PELI2: variants seen among roughly 807,000 people sequenced by gnomAD.
PELI2 encodes pellino E3 ubiquitin protein ligase family member 2, also known as E3 ubiquitin-protein ligase pellino homolog 2.
A neutral mutation model predicts 42.3 loss-of-function variants in PELI2; 23 were observed. That is an observed-to-expected ratio of 0.54 (90% CI 0.39 to 0.77). PELI2 has a LOEUF of 0.77. PELI2 is among the 30% of genes least tolerant of loss of function. The pLI is 0.00. For synonymous variants in PELI2, 245 were observed against 212.2 expected (o/e 1.15, Z -1.34); for missense variants, 463 against 553.2 (o/e 0.84, Z 1.64).
intron 1 of PELI2, among the ~76,000 whole-genome samples, chr14:56,172,656 T>A (rs930161852): frequency 6.6e-6 from 1 of 152,192 alleles, no homozygotes; most frequent in African/African-American, 2.4e-5. Context: ...CAGCAAGTAT[T>A]GGAAGCAGAA....
At chr14:56,268,584 C>T (rs1203015314) in intron 2 of PELI2, among the ~76,000 whole-genome samples, 1 of 152,162 alleles carries the variant, frequency 6.6e-6, no homozygotes, top group Non-Finnish European at 1.5e-5. Context: ...ATTTCTTCCC[C>T]TGCGGCATTT....
chr14:56,271,753 A>G lies in PELI2; in HGVS notation c.208-7923A>G, dbSNP rs141097795. 6.5e-3 allele frequency among the ~76,000 whole-genome samples: 996 copies of G among 152,296 alleles called. 10 individuals are homozygous for G. The highest frequency in any genetic ancestry group is 0.022 in the African/African-American group (908 of 41,558). ...GACAAAGAGGTCACTAGCTGTCCCA[A>G]TAGAGCGTTCAGGACGTTTCCTAGC... On this transcript the variant is annotated intron_variant, in intron 2 of 5. Coordinates refer to ENST00000267460, the MANE Select transcript of PELI2 (RefSeq NM_021255.3).
chr14:56,133,136 A>G (rs1426083013), intron 1 of PELI2, among the ~76,000 whole-genome samples: 1 of 152,138 alleles, frequency 6.6e-6, no homozygotes, highest in African/African-American at 2.4e-5. Flanking sequence ...GTTATTGTCC[A>G]TATACATATT....
chr14:56,222,763 G>A (rs772228279), intron 2 of PELI2, among the ~76,000 whole-genome samples: 3 of 152,170 alleles, frequency 2.0e-5, no homozygotes, highest in Admixed American at 6.5e-5. Context: ...ATTCTCTGAC[G>A]CTAGGCTGTG....
chr14:56,155,149 T>C (rs1884504793), intron 1 of PELI2, among the ~76,000 whole-genome samples: 1 of 152,186 alleles, frequency 6.6e-6, no homozygotes, highest in Non-Finnish European at 1.5e-5. Context: ...ATTGCCAGTA[T>C]TTTTTCTAGT....
chr14:56,271,362 TTTTCCC>T (rs1165257348), intron 2 of PELI2, among the ~76,000 whole-genome samples: 227 of 152,282 alleles, frequency 1.5e-3, no homozygotes, highest in African/African-American at 5.3e-3. Context: ...TATTATTATG[TTTTCCC>T]ATACCGATTA....
intron 5 of PELI2, among the ~76,000 whole-genome samples, chr14:56,290,659 T>C (rs1889800029): frequency 6.6e-6 from 1 of 152,204 alleles, no homozygotes; most frequent in East Asian, 1.9e-4. Flanking sequence ...ACTTTTCCCA[T>C]AGTGGGAGTA....
Position 56,185,135 on chromosome 14 carries a change from T to G in PELI2, c.207+6671T>G, listed in dbSNP as rs180920762. On this transcript the variant is annotated intron_variant, in intron 2 of 5. Coordinates refer to ENST00000267460, the MANE Select transcript of PELI2 (RefSeq NM_021255.3). ...TTTAATAAGTATATCTGTGATTAGG[T>G]GATTATCCTATTATATGTTTTACAT... Among the ~76,000 whole-genome samples, 9 of 152,256 alleles carry G rather than the reference T, an allele frequency of 5.9e-5. No individual in the cohort carries two copies. In the East Asian group the frequency reaches 1.7e-3, roughly 29 times the overall value.
intron 2 of PELI2, among the ~76,000 whole-genome samples, chr14:56,231,164 C>T (rs562351953): frequency 3.9e-5 from 6 of 152,256 alleles, no homozygotes; most frequent in Admixed American, 2.6e-4. Flanking sequence ...TGGGGGGACA[C>T]TTTAATACAC....
intron 2 of PELI2, among the ~76,000 whole-genome samples, chr14:56,223,821 C>G (rs976975253): frequency 8.5e-5 from 13 of 152,288 alleles, no homozygotes; most frequent in Middle Eastern, 6.8e-3. Context: ...ATCATTCACT[C>G]TAATTTCATA....
intron 1 of PELI2, among the ~76,000 whole-genome samples, chr14:56,151,155 G>T (rs1451298459): frequency 1.3e-5 from 2 of 152,250 alleles, no homozygotes; most frequent in African/African-American, 4.8e-5. Flanking sequence ...ACCCCGTGTG[G>T]CCTCTTTGCA....
intron 2 of PELI2, among the ~76,000 whole-genome samples, chr14:56,186,337 T>G (rs1292181072): frequency 1.3e-5 from 2 of 152,192 alleles, no homozygotes; most frequent in African/African-American, 4.8e-5. Context: ...TGAAAACAGA[T>G]TATTCCCTAG....
chr14:56,175,763 AT>A (rs1171192108), intron 1 of PELI2, among the ~76,000 whole-genome samples: 4 of 152,186 alleles, frequency 2.6e-5, no homozygotes, highest in Non-Finnish European at 5.9e-5. Context: ...TATATTAGAT[AT>A]GACTTTTGGG....
chr14:56,299,310 G>T lies in PELI2; in HGVS notation c.*2144G>T, dbSNP rs1184284711. The T allele has an allele frequency of 6.6e-6, 1 of 152,192 alleles. No homozygotes were observed. The highest frequency in any genetic ancestry group is 6.5e-5 in the Admixed American group (1 of 15,278). 9.4% of individuals were successfully genotyped at this position (152,192 alleles called of 1,614,324 possible). ...TGCAACGTGACATATCCCCCAAAAT[G>T]AAGTTACCTTCCAAGTTGGACACGT... On this transcript the variant is annotated 3_prime_UTR_variant, in exon 6 of 6. Coordinates refer to ENST00000267460, the MANE Select transcript of PELI2 (RefSeq NM_021255.3).
At position 56,140,523 on chromosome 14, in the gene PELI2, T is replaced by C. The variant is rs544216608; in HGVS notation, c.77+21786T>C. Among the ~76,000 whole-genome samples the C allele has an allele frequency of 2.0e-5, 3 of 152,336 alleles. No individual in the cohort carries two copies. In the South Asian group the frequency reaches 6.2e-4, roughly 32 times the overall value. ...AAACCTTTGAAAACAACTCCTGTTT[T>C]GAAAACAAGTTTTTGAAAGTTTCTA... On this transcript the variant is annotated intron_variant, in intron 1 of 5. Transcript: ENST00000267460.
intron 2 of PELI2, among the ~76,000 whole-genome samples, chr14:56,208,764 A>G (rs1886609513): frequency 6.6e-6 from 1 of 152,222 alleles, no homozygotes; most frequent in Non-Finnish European, 1.5e-5. Context: ...ATCTCTAAGA[A>G]AAGCACTTGT....
At chr14:56,159,802 GT>G (rs1409316053) in intron 1 of PELI2, among the ~76,000 whole-genome samples, 3 of 152,164 alleles carry the variant, frequency 2.0e-5, no homozygotes, top group Non-Finnish European at 4.4e-5. Context: ...CTGATTCCCA[GT>G]ACTTTGCCCA....
intron 1 of PELI2, among the ~76,000 whole-genome samples, chr14:56,142,782 A>G (rs890396345): frequency 6.6e-6 from 1 of 152,136 alleles, no homozygotes; most frequent in South Asian, 2.1e-4. Context: ...GATGAAAAAA[A>G]CTACTGCCCT....
At chr14:56,245,823 C>T (rs1888132322) in intron 2 of PELI2, among the ~76,000 whole-genome samples, 1 of 152,138 alleles carries the variant, frequency 6.6e-6, no homozygotes, top group Admixed American at 6.5e-5. Context: ...ATTAACATAG[C>T]ATTGGCATTG....
Sources: allele counts gnomAD v4.1 joint callset (sites outside exome capture counted in the v4.1 genomes callset), GRCh38; gene constraint gnomAD v4.1.1; transcripts MANE v1.5; gene names NCBI Gene and HGNC (gene_info 2026-07-23, HGNC 2026-07-21).